The following FBN1 variants were observed in gnomAD, a reference collection of about 807,000 sequenced individuals.
The protein encoded by FBN1 is fibrillin-1.
In FBN1, 29 loss-of-function variants were observed where a neutral mutation model predicts 365.1. That is an observed-to-expected ratio of 0.08 (90% confidence interval 0.06 to 0.11). The LOEUF (loss-of-function observed/expected upper bound fraction) is 0.11. Among genes scored for constraint, FBN1 ranks in the 10% least tolerant of loss-of-function variants. FBN1 has a pLI of 1.00. For missense variants in FBN1, 2,476 were observed against 3,703.2 expected, an observed-to-expected ratio of 0.67 and a Z score of 8.60; for synonymous variants, 1,210 against 1,270.5, an observed-to-expected ratio of 0.95 and a Z score of 1.01.
rs963434000 is a variant in FBN1 at position 48,644,909 on chromosome 15, C to T, written c.-140G>A. The T allele has an allele frequency of 1.3e-6, 1 of 786,922 alleles. No homozygotes were observed. The highest frequency in any genetic ancestry group is 4.5e-5 in the South Asian group (1 of 22,196). 48.7% of individuals were successfully genotyped at this position (786,922 alleles called of 1,614,324 possible). On this transcript the variant is annotated 5_prime_UTR_variant, in exon 2 of 66. Coordinates refer to ENST00000316623, the MANE Select transcript of FBN1 (RefSeq NM_000138.5). ...CGTCCCCCGGGCCGGGCTCCTCCCG[C>T]CTTCTCCAGGCGCTGCTCCCACTTC...
intron 6 of FBN1, among the ~76,000 whole-genome samples, chr15:48,557,745 C>T (rs1421835185): frequency 1.3e-5 from 2 of 152,176 alleles, no homozygotes; most frequent in Non-Finnish European, 2.9e-5. Flanking sequence ...ATCTTTTCCA[C>T]AGTAGGGCTC....
At chr15:48,429,168 G>A (rs888743056) in intron 56 of FBN1, among the ~76,000 whole-genome samples, 2 of 152,104 alleles carry the variant, frequency 1.3e-5, no homozygotes, top group Admixed American at 1.3e-4. Context: ...GACTCTCAAA[G>A]TGTTATTTCA....
At chr15:48,502,080 G>A (rs1207663893) in intron 17 of FBN1, among the ~76,000 whole-genome samples, 1 of 152,092 alleles carries the variant, frequency 6.6e-6, no homozygotes, top group East Asian at 1.9e-4. Flanking sequence ...CCACGCTGGA[G>A]AACAGTGGTG....
intron 34 of FBN1, among the ~76,000 whole-genome samples, chr15:48,473,818 T>TA (rs1234614995): frequency 6.6e-6 from 1 of 150,782 alleles, no homozygotes; most frequent in African/African-American, 2.5e-5. Context: ...AAAAAAAAAA[T>TA]AATAATAAAT....
chr15:48,488,279 G>T (rs554833007), intron 26 of FBN1, 38 bp from the exon 27 acceptor site: 1 of 1,614,148 alleles, frequency 6.2e-7, no homozygotes, highest in South Asian at 1.1e-5. Context: ...ATGAGTCTCA[G>T]GACAGCCTTA....
Position 48,523,012 on chromosome 15 carries a change from C to T in FBN1, c.989-2195G>A, listed in dbSNP as rs76481024. 5.8e-3 allele frequency among the ~76,000 whole-genome samples: 888 copies of T among 152,236 alleles called. 4 individuals are homozygous for T. The highest frequency in any genetic ancestry group is 0.021 in the African/African-American group (859 of 41,548). The stretch of plus-strand genomic sequence containing the variant: ...CTCTGTGAAGCCTCAGGTGGTACCT[C>T]CCCCGTCAAGAGGGCAGAGAAATTG... On this transcript the variant is annotated intron_variant, in intron 9 of 65. Transcript: ENST00000316623.
intron 45 of FBN1, among the ~76,000 whole-genome samples, chr15:48,450,712 C>G (rs1032294913): frequency 1.3e-5 from 2 of 152,180 alleles, no homozygotes; most frequent in Non-Finnish European, 2.9e-5. Flanking sequence ...TCTCTCAGCT[C>G]TCTCAGCAAT....
chr15:48,501,192 T>C (rs1239657001), intron 17 of FBN1, among the ~76,000 whole-genome samples: 1 of 152,220 alleles, frequency 6.6e-6, no homozygotes, highest in Non-Finnish European at 1.5e-5. Flanking sequence ...GGAAACTTCA[T>C]CCCCAATTCA....
At chr15:48,615,306 A>G (rs1889630866) in intron 2 of FBN1, among the ~76,000 whole-genome samples, 1 of 152,098 alleles carries the variant, frequency 6.6e-6, no homozygotes, top group Non-Finnish European at 1.5e-5. Context: ...CTACAATCAT[A>G]CATTGTCTGA....
chr15:48,453,200 G>T (rs148726542), intron 44 of FBN1, among the ~76,000 whole-genome samples: 1 of 150,020 alleles, frequency 6.7e-6, no homozygotes, highest in Non-Finnish European at 1.5e-5. Context: ...AGGTAGCAGC[G>T]AGCCAAGATC....
intron 2 of FBN1, among the ~76,000 whole-genome samples, chr15:48,639,477 G>A (rs185533418): frequency 3.7e-4 from 56 of 152,266 alleles, no homozygotes; most frequent in African/African-American, 6.7e-4. Context: ...GTGCACTCAC[G>A]GTTCCTGAAG....
At chr15:48,537,484 T>C in intron 7 of FBN1, 127 bp downstream of exon 7, 2 of 1,117,684 alleles carry the variant, frequency 1.8e-6, no homozygotes, top group Non-Finnish European at 2.6e-6. Context: ...TTGGATATCA[T>C]GCAGTCAGCG....
chr15:48,513,511 A>T, intron 13 of FBN1, 38 bp downstream of exon 13: 1 of 1,613,804 alleles, frequency 6.2e-7, no homozygotes, highest in Non-Finnish European at 8.5e-7. Context: ...CAGTTAGCAT[A>T]TATGTCCCAC....
chr15:48,583,241 T>A (rs946060887), intron 6 of FBN1, among the ~76,000 whole-genome samples: 3 of 152,240 alleles, frequency 2.0e-5, no homozygotes, highest in African/African-American at 7.2e-5. Flanking sequence ...CTTAGAACAA[T>A]TTCTTTTCAG....
Position 48,490,058 on chromosome 15 carries a change from A to G in FBN1, c.2875T>C (p.Phe959Leu). 1 of 1,614,150 alleles carries G rather than the reference A, an allele frequency of 6.2e-7. No homozygotes were observed. Among genetic ancestry groups the G allele is most frequent in the Non-Finnish European group, 8.5e-7 (1 of 1,180,026 alleles). Reference sequence around the variant, plus strand: ...CACTCCTCGTCCTCGTACCTCAGGAAGCAGGTTTCCAGGCGGATATCTGTC... The same window carrying G: ...CACTCCTCGTCCTCGTACCTCAGGAGGCAGGTTTCCAGGCGGATATCTGTC... Reference protein sequence around the residue: ...ICLDIRLETCFLRYEDEECTL... With the variant: ...ICLDIRLETCLLRYEDEECTL... Residue 959 changes from phenylalanine to leucine, a missense_variant, in exon 25 of 66, where the codon TTC becomes CTC. By Grantham distance (22) the Phe-to-Leu change is conservative (BLOSUM62 0). This residue lies in a region of FBN1 where 1,780 missense variants were observed against 2,840.8 expected (regional missense o/e 0.63). Coordinates refer to ENST00000316623, the MANE Select transcript of FBN1 (RefSeq NM_000138.5).
intron 13 of FBN1, among the ~76,000 whole-genome samples, chr15:48,511,745 C>G (rs2043761341): frequency 1.3e-5 from 2 of 152,204 alleles, no homozygotes; most frequent in Admixed American, 1.3e-4. Flanking sequence ...AGTGCTAGCT[C>G]TTAAAGAAGG....
At chr15:48,628,621 G>A (rs1169461926) in intron 2 of FBN1, among the ~76,000 whole-genome samples, 1 of 152,106 alleles carries the variant, frequency 6.6e-6, no homozygotes, top group African/African-American at 2.4e-5. Flanking sequence ...CTTACTGTTA[G>A]ATATTAAATA....
intron 5 of FBN1, among the ~76,000 whole-genome samples, chr15:48,598,450 C>A (rs886742011): frequency 6.6e-6 from 1 of 152,174 alleles, no homozygotes; most frequent in Non-Finnish European, 1.5e-5. Context: ...CTCTTCTTTC[C>A]TAGCCCTACT....
chr15:48,492,663 A>G (rs1211913521), intron 23 of FBN1, 77 bp from the exon 24 acceptor site: 25 of 1,168,792 alleles, frequency 2.1e-5, no homozygotes, highest in Middle Eastern at 5.4e-4. Flanking sequence ...TAGAGTCATA[A>G]TTATTCCCCA....
Sources: allele counts gnomAD v4.1 joint callset (sites outside exome capture counted in the v4.1 genomes callset), GRCh38; gene constraint gnomAD v4.1.1; regional missense constraint gnomAD v4.1.1; transcripts MANE v1.5; gene names NCBI Gene and HGNC (gene_info 2026-07-23, HGNC 2026-07-21).